The following PTGER3 variants were observed in gnomAD, a reference collection of about 807,000 sequenced individuals.
PTGER3 encodes the protein prostaglandin E2 receptor EP3 subtype.
A neutral mutation model predicts 34.7 loss-of-function variants in PTGER3; 22 were observed. The ratio of observed to expected loss-of-function variants is 0.63; its 90% CI spans 0.45 to 0.91. The LOEUF is 0.91. PTGER3 is among the 40% of genes least tolerant of loss of function. The pLI, the probability that PTGER3 is intolerant of heterozygous loss-of-function variation, is 0.00. For missense variants in PTGER3, 468 were observed against 519.4 expected (o/e 0.90, Z 0.96); for synonymous variants, 241 against 230.1 (o/e 1.05, Z -0.43).
chr1:70,853,525 A>C (rs550101556), intron 4 of PTGER3, among the ~76,000 whole-genome samples: 1 of 152,302 alleles, frequency 6.6e-6, no homozygotes, highest in East Asian at 1.9e-4. Context: ...ATTTTTGAGA[A>C]AATCCATACA....
intron 4 of PTGER3, among the ~76,000 whole-genome samples, chr1:70,879,085 ATTG>A (rs1250943437): frequency 3.3e-5 from 5 of 152,000 alleles, no homozygotes; most frequent in Non-Finnish European, 7.4e-5. Context: ...ATCTCCTAGT[ATTG>A]TTGTGTGGTT....
At chr1:70,877,025 A>C (rs924047690) in intron 4 of PTGER3, among the ~76,000 whole-genome samples, 5 of 152,230 alleles carry the variant, frequency 3.3e-5, no homozygotes, top group African/African-American at 1.2e-4. Flanking sequence ...AATTGCATTG[A>C]AACTGTAAAT....
At chr1:70,854,511 G>C (rs1345532126) in intron 4 of PTGER3, among the ~76,000 whole-genome samples, 1 of 152,162 alleles carries the variant, frequency 6.6e-6, no homozygotes, top group Non-Finnish European at 1.5e-5. Context: ...GGCCTGGTGG[G>C]AGATGATTGC....
intron 2 of PTGER3, among the ~76,000 whole-genome samples, chr1:70,986,697 G>T (rs2100751244): frequency 6.6e-6 from 1 of 152,252 alleles, no homozygotes; most frequent in East Asian, 1.9e-4. Context: ...TTGACAAGCT[G>T]CCTCCCTTCA....
Position 70,960,819 on chromosome 1 carries a change from T to G in PTGER3, c.1078-7030A>C, listed in dbSNP as rs185510820. On this transcript the variant is annotated intron_variant, in intron 2 of 3. Coordinates refer to the PTGER3 transcript ENST00000356595. ...TAGTATCTGGATTTAATTCATGACC[T>G]TCTTAGTCCTAGGAGAATTTGGGCC... Among the ~76,000 whole-genome samples the G allele has an allele frequency of 3.9e-5, 6 of 152,312 alleles. No individual in the cohort carries two copies. The East Asian group carries it at 1.2e-3, about 29-fold the overall frequency.
At chr1:71,017,784 T>G (rs1321039448) in intron 1 of PTGER3, among the ~76,000 whole-genome samples, 1 of 152,152 alleles carries the variant, frequency 6.6e-6, no homozygotes, top group Non-Finnish European at 1.5e-5. Context: ...CCTGTGCTTT[T>G]GAGACAGTCT....
chr1:70,926,220 G>A (rs1466963625), intron 4 of PTGER3, among the ~76,000 whole-genome samples: 2 of 152,182 alleles, frequency 1.3e-5, no homozygotes, highest in African/African-American at 4.8e-5. Flanking sequence ...TGTGAAGCAA[G>A]TCATTGGTAG....
At chr1:71,025,743 C>T (rs1391648192) in intron 1 of PTGER3, among the ~76,000 whole-genome samples, 1 of 152,058 alleles carries the variant, frequency 6.6e-6, no homozygotes, top group Non-Finnish European at 1.5e-5. Context: ...ACTGGGTAGC[C>T]CCAAGAGGAG....
intron 4 of PTGER3, among the ~76,000 whole-genome samples, chr1:70,942,223 C>A (rs1364740769): frequency 6.6e-6 from 1 of 152,034 alleles, no homozygotes; most frequent in Admixed American, 6.6e-5. Context: ...CAGATGAGAG[C>A]CTTGAGATGA....
At chr1:70,969,168 T>C (rs1652833731), downstream of PTGER3, among the ~76,000 whole-genome samples, 1 of 151,940 alleles carries the variant, frequency 6.6e-6, no homozygotes, top group African/African-American at 2.4e-5. Context: ...GATCGCACCA[T>C]TGCACTCCAG....
intron 2 of PTGER3, among the ~76,000 whole-genome samples, chr1:70,961,438 C>G (rs1419884825): frequency 6.6e-6 from 1 of 152,112 alleles, no homozygotes. Flanking sequence ...ACCACAGTAC[C>G]CTGCTTTTTC....
intron 1 of PTGER3, among the ~76,000 whole-genome samples, chr1:71,014,329 T>C (rs1239970414): frequency 1.3e-5 from 2 of 152,190 alleles, no homozygotes; most frequent in African/African-American, 4.8e-5. Flanking sequence ...GATCAACATT[T>C]CAGAGTCTGT....
intron 4 of PTGER3, among the ~76,000 whole-genome samples, chr1:70,858,066 T>C (rs1372894825): frequency 1.3e-5 from 2 of 152,214 alleles, no homozygotes; most frequent in South Asian, 2.1e-4. Context: ...ACCACTGATA[T>C]ATTTGCTCAG....
intron 2 of PTGER3, among the ~76,000 whole-genome samples, chr1:70,998,970 AG>A (rs1475441667): frequency 3.3e-5 from 5 of 152,150 alleles, no homozygotes; most frequent in Non-Finnish European, 5.9e-5. Flanking sequence ...TCACGAGGTC[AG>A]GAGATCGAGA....
In PTGER3 at chr1:71,012,450, G is replaced by T; in HGVS notation, c.932C>A (p.Ser311Ter). ...MMLKMIFNQT[S>*]VEHCKTHTEK... ...CGTGTGTGTCTTGCAGTGCTCAACT[G>T]ATGTCTGATTGAAGATCATTTTCAA... Residue 311 changes from serine to a stop codon, truncating the protein, a stop_gained, in exon 2 of 4, where the codon TCA becomes TAA. Coordinates refer to ENST00000306666, the MANE Select transcript of PTGER3 (RefSeq NM_198719.2). LOFTEE classifies it high-confidence loss of function. 6.2e-7 allele frequency: 1 copy of T among 1,613,628 alleles called. No individual in the cohort carries two copies. The highest frequency in any genetic ancestry group is 8.5e-7 in the Non-Finnish European group (1 of 1,179,812).
intron 2 of PTGER3, among the ~76,000 whole-genome samples, chr1:70,979,480 T>G (rs904619279): frequency 1.2e-5 from 1 of 86,442 alleles, no homozygotes; most frequent in Non-Finnish European, 2.3e-5. Flanking sequence ...TCAGCAAAAT[T>G]CTGAGGAAAT....
In PTGER3 at chr1:71,044,310, G is replaced by A. The variant is rs562149436; in HGVS notation, c.897+2371C>T. On this transcript the variant is annotated intron_variant, in intron 1 of 3. Transcript: ENST00000306666. The stretch of plus-strand genomic sequence containing the variant: ...AAATTAGCCAGGTGTGGTGGCGGGC[G>A]CCTGTAATCCTAGTGACTCCAAAGG... 3.7e-3 allele frequency among the ~76,000 whole-genome samples: 558 copies of A among 151,032 alleles called. 5 individuals carry two copies. Among genetic ancestry groups the A allele is most frequent in the African/African-American group, 0.013 (527 of 41,276 alleles).
intron 4 of PTGER3, among the ~76,000 whole-genome samples, chr1:70,930,861 C>G (rs1198292529): frequency 6.6e-6 from 1 of 152,056 alleles, no homozygotes; most frequent in East Asian, 1.9e-4. Flanking sequence ...TCCCCTGGCC[C>G]CTCCAAATCT....
intron 2 of PTGER3, among the ~76,000 whole-genome samples, chr1:70,954,494 C>T (rs1651109442): frequency 6.6e-6 from 1 of 152,090 alleles, no homozygotes; most frequent in Non-Finnish European, 1.5e-5. Flanking sequence ...TTAACATAGT[C>T]TCCTCATATT....
Sources: gnomAD v4.1 joint callset for allele counts (sites outside exome capture counted in the v4.1 genomes callset) on GRCh38, gnomAD v4.1.1 for gene constraint, MANE v1.5 for transcripts, NCBI Gene and HGNC (gene_info 2026-07-23, HGNC 2026-07-21) for gene names.